Variants in DIP2C observed in about 807,000 individuals in gnomAD.
DIP2C encodes the protein disco-interacting protein 2 homolog C.
Under a neutral mutation model 192.4 loss-of-function variants are expected in DIP2C, and 33 were observed. The ratio of observed to expected loss-of-function variants is 0.17; its 90% CI spans 0.13 to 0.23. DIP2C has a LOEUF of 0.23. Among genes scored for constraint, DIP2C ranks in the 10% least tolerant of loss-of-function variants. DIP2C has a pLI of 1.00. For missense variants in DIP2C, 1,537 were observed against 2,110.1 expected (o/e 0.73, Z 5.32); for synonymous variants, 979 against 864.1 (o/e 1.13, Z -2.33).
chr10:375,601 C>A (rs1331006402), intron 17 of DIP2C, among the ~76,000 whole-genome samples: 5 of 152,218 alleles, frequency 3.3e-5, no homozygotes, highest in Non-Finnish European at 7.3e-5. Context: ...TTTCCAGCCT[C>A]TGGAAAGCAT....
At chr10:579,078 G>A (rs1850385939) in intron 1 of DIP2C, among the ~76,000 whole-genome samples, 1 of 152,130 alleles carries the variant, frequency 6.6e-6, no homozygotes, top group Admixed American at 6.5e-5. Flanking sequence ...TATGTGCATA[G>A]AGCATACACA....
chr10:671,330 C>T (rs939138316), intron 1 of DIP2C, among the ~76,000 whole-genome samples: 1 of 151,698 alleles, frequency 6.6e-6, no homozygotes, highest in Non-Finnish European at 1.5e-5. Flanking sequence ...ACGCCACAGA[C>T]GCACGGACGG....
intron 3 of DIP2C, among the ~76,000 whole-genome samples, chr10:443,869 T>G (rs1967937461): frequency 6.6e-6 from 1 of 152,218 alleles, no homozygotes; most frequent in African/African-American, 2.4e-5. Flanking sequence ...TTACAATTAT[T>G]TTTTCATTGT....
intron 2 of DIP2C, among the ~76,000 whole-genome samples, chr10:473,585 G>A (rs1484993922): frequency 1.3e-5 from 2 of 151,898 alleles, no homozygotes; most frequent in Non-Finnish European, 2.9e-5. Flanking sequence ...GAACGGCTCT[G>A]ATACCACAGA....
intron 1 of DIP2C, among the ~76,000 whole-genome samples, chr10:488,999 CCT>C (rs899227307): frequency 5.9e-5 from 9 of 152,106 alleles, no homozygotes; most frequent in African/African-American, 1.9e-4. Flanking sequence ...TGATCATTTA[CCT>C]GTTCAGTTAC....
At chr10:338,428 T>G (rs1457548748) in intron 29 of DIP2C, among the ~76,000 whole-genome samples, 2 of 151,906 alleles carry the variant, frequency 1.3e-5, no homozygotes, top group Middle Eastern at 3.4e-3. Context: ...TACACAGTTT[T>G]TTTTTTTTTT....
chr10:480,778 C>T (rs1211847647), intron 2 of DIP2C, among the ~76,000 whole-genome samples: 1 of 152,218 alleles, frequency 6.6e-6, no homozygotes, highest in Admixed American at 6.5e-5. Flanking sequence ...TGTGGCAGAA[C>T]ACGTCTCCGG....
rs536393670 is a variant in DIP2C at position 536,677 on chromosome 10, A to G, written c.86-50147T>C. Among the ~76,000 whole-genome samples, 805 of 152,246 alleles carry G rather than the reference A, an allele frequency of 5.3e-3. 8 individuals are homozygous for G. The highest frequency in any genetic ancestry group is 0.018 in the African/African-American group (752 of 41,540). On this transcript the variant is annotated intron_variant, in intron 1 of 36. Transcript: ENST00000280886. The stretch of plus-strand genomic sequence containing the variant: ...GGGACTGACTCCCAGTGCTCTGTGG[A>G]GGGGGGGCCATCCTGAGAGGTGCTA...
intron 4 of DIP2C, among the ~76,000 whole-genome samples, chr10:436,145 G>A (rs1399501517): frequency 6.6e-6 from 1 of 152,220 alleles, no homozygotes; most frequent in Non-Finnish European, 1.5e-5. Flanking sequence ...CAGCCACCAC[G>A]TGTGGTGAGT....
chr10:523,873 C>T (rs1846888722), intron 1 of DIP2C, among the ~76,000 whole-genome samples: 1 of 152,206 alleles, frequency 6.6e-6, no homozygotes, highest in Admixed American at 6.5e-5. Flanking sequence ...GTGACTCTGT[C>T]CCAGGACCTT....
intron 4 of DIP2C, among the ~76,000 whole-genome samples, chr10:423,771 G>A (rs1232664208): frequency 6.6e-6 from 1 of 152,292 alleles, no homozygotes; most frequent in East Asian, 1.9e-4. Flanking sequence ...TCAAGACACT[G>A]ATGATGGTAA....
intron 3 of DIP2C, among the ~76,000 whole-genome samples, chr10:458,557 C>T (rs573596540): frequency 2.4e-4 from 36 of 151,290 alleles, no homozygotes; most frequent in South Asian, 8.4e-4. Flanking sequence ...CAGCGTGTGA[C>T]GGAGTGCTCA....
At chr10:527,044 T>A (rs767717089) in intron 1 of DIP2C, among the ~76,000 whole-genome samples, 2 of 152,188 alleles carry the variant, frequency 1.3e-5, no homozygotes, top group Non-Finnish European at 1.5e-5. Context: ...CTGTCTGCAG[T>A]GAGCCACCAC....
Position 483,636 on chromosome 10 carries a change from G to A in DIP2C, c.157+2823C>T, listed in dbSNP as rs187251573. Among the ~76,000 whole-genome samples the A allele has an allele frequency of 2.6e-4, 40 of 152,266 alleles. No homozygotes were observed. In the East Asian group the frequency reaches 6.4e-3, roughly 24 times the overall value. On this transcript the variant is annotated intron_variant, in intron 2 of 36. Coordinates refer to ENST00000280886, the MANE Select transcript of DIP2C (RefSeq NM_014974.3). ...CTCGTGGCTAAAACCCAGCCCTGTC[G>A]CCTTCTCATCAGCTCTGCCCCTTGC... is the stretch of plus-strand genomic sequence containing the variant.
At chr10:443,330 G>A (rs1171213538) in intron 3 of DIP2C, among the ~76,000 whole-genome samples, 1 of 151,994 alleles carries the variant, frequency 6.6e-6, no homozygotes, top group Non-Finnish European at 1.5e-5. Context: ...ATTTACTTCT[G>A]TCAATATGAA....
intron 1 of DIP2C, among the ~76,000 whole-genome samples, chr10:656,345 G>T (rs1024112167): frequency 6.6e-6 from 1 of 151,990 alleles, no homozygotes; most frequent in Non-Finnish European, 1.5e-5. Context: ...TCTACTATTT[G>T]TTCTATTCTG....
chr10:418,359 G>GCA (rs1589750354), intron 6 of DIP2C, among the ~76,000 whole-genome samples: 1 of 149,484 alleles, frequency 6.7e-6, no homozygotes, highest in African/African-American at 2.5e-5. Flanking sequence ...CTCCCTGTCC[G>GCA]CCTGTGAGTC....
intron 1 of DIP2C, among the ~76,000 whole-genome samples, chr10:520,634 A>AGCTCCTTCCGC: frequency 6.6e-6 from 1 of 152,250 alleles, no homozygotes; most frequent in South Asian, 2.1e-4. Flanking sequence ...CTCTGCCTGC[A>AGCTCCTTCCGC]GCTCCTTCCG....
rs1225671398 is a variant in DIP2C, at chr10:428,748, T to C, written c.395-5715A>G. Among the ~76,000 whole-genome samples, 6 of 152,276 alleles carry C rather than the reference T, an allele frequency of 3.9e-5. No individual in the cohort carries two copies. The East Asian group carries it at 1.2e-3, about 29-fold the overall frequency. ...CTGCTCTTTTCTCTTTTCCTTCTTATATTACAAGGATATTAACATTGTGTC... is the reference window on the plus strand; with the variant it reads ...CTGCTCTTTTCTCTTTTCCTTCTTACATTACAAGGATATTAACATTGTGTC... On this transcript the variant is annotated intron_variant, in intron 4 of 36. Transcript: ENST00000280886.
Sources: gnomAD v4.1 joint callset for allele counts (sites outside exome capture counted in the v4.1 genomes callset) on GRCh38, gnomAD v4.1.1 for gene constraint, MANE v1.5 for transcripts, NCBI Gene and HGNC (gene_info 2026-07-23, HGNC 2026-07-21) for gene names.